AGTPBP1: variants seen among roughly 807,000 people sequenced by gnomAD.
AGTPBP1 encodes the protein cytosolic carboxypeptidase 1.
AGTPBP1 carries 70 observed loss-of-function variants against 143.9 expected under a neutral mutation model. The ratio of observed to expected loss-of-function variants is 0.49; its 90% CI spans 0.40 to 0.59. The LOEUF is 0.59. AGTPBP1 is among the 20% of genes least tolerant of loss of function. AGTPBP1 has a pLI of 0.00. For synonymous variants in AGTPBP1, 463 were observed against 500.2 expected, an observed-to-expected ratio of 0.93 and a Z score of 0.99; for missense variants, 1,229 against 1,464.5, an observed-to-expected ratio of 0.84 and a Z score of 2.62.
At chr9:85,719,617 T>C (rs1381809808) in intron 1 of AGTPBP1, among the ~76,000 whole-genome samples, 1 of 152,194 alleles carries the variant, frequency 6.6e-6, no homozygotes, top group African/African-American at 2.4e-5. Context: ...CAGGGGCAAT[T>C]TGACTTCCTC....
chr9:85,720,376 T>A (rs1190004789), intron 1 of AGTPBP1, among the ~76,000 whole-genome samples: 2 of 152,192 alleles, frequency 1.3e-5, no homozygotes, highest in Non-Finnish European at 2.9e-5. Context: ...AACTTCTTCC[T>A]GGTTTAGTCT....
intron 2 of AGTPBP1, among the ~76,000 whole-genome samples, chr9:85,702,184 G>A (rs143612497): frequency 1.2e-4 from 18 of 152,146 alleles, no homozygotes; most frequent in Non-Finnish European, 2.4e-4. Context: ...TTCTTGATAC[G>A]TTTCTAAAAA....
the AGTPBP1 span, among the ~76,000 whole-genome samples, chr9:85,785,470 T>G: frequency 3.9e-5 from 6 of 152,280 alleles, no homozygotes; most frequent in African/African-American, 1.4e-4. Context: ...AGTTTTTGTC[T>G]TTGCTATTAG....
chr9:85,706,711 A>T (rs916440612), intron 2 of AGTPBP1, among the ~76,000 whole-genome samples: 7 of 151,516 alleles, frequency 4.6e-5, no homozygotes, highest in Admixed American at 4.6e-4. Flanking sequence ...TCTACTAAAA[A>T]TACAAAAAAA....
At chr9:85,670,475 G>T (rs1261179933) in intron 7 of AGTPBP1, among the ~76,000 whole-genome samples, 2 of 152,152 alleles carry the variant, frequency 1.3e-5, no homozygotes, top group African/African-American at 4.8e-5. Flanking sequence ...CAGGGAAAAA[G>T]ATGGAACAAT....
the AGTPBP1 span, among the ~76,000 whole-genome samples, chr9:85,795,366 T>C: frequency 1.3e-5 from 2 of 152,226 alleles, no homozygotes; most frequent in Admixed American, 1.3e-4. Flanking sequence ...TTCAATAAAC[T>C]TCTGTGTGCT....
At chr9:85,711,111 A>C (rs190067844) in intron 2 of AGTPBP1, among the ~76,000 whole-genome samples, 1 of 152,234 alleles carries the variant, frequency 6.6e-6, no homozygotes, top group African/African-American at 2.4e-5. Context: ...ACACGTAAAC[A>C]TAAGAACATT....
chr9:85,684,105 A>G (rs1031125122), intron 3 of AGTPBP1, among the ~76,000 whole-genome samples: 1 of 152,208 alleles, frequency 6.6e-6, no homozygotes, highest in East Asian at 1.9e-4. Context: ...CCTTTCACTT[A>G]TCTTAGCTCA....
In AGTPBP1 at chr9:85,714,346, G is replaced by A. The variant is rs75667537; in HGVS notation, c.-33-1780C>T. 9.9e-3 allele frequency among the ~76,000 whole-genome samples: 1,504 copies of A among 152,284 alleles called. 33 individuals are homozygous for A. Among genetic ancestry groups the A allele is most frequent in the African/African-American group, 0.034 (1,409 of 41,536 alleles). On this transcript the variant is annotated intron_variant, in intron 1 of 25. Transcript: ENST00000357081. ...CCTTATCCTTTAATCACGCAAAAAA[G>A]GAGAATACTGCAGTGAATGAAGTGC...
At chr9:85,690,646 T>A (rs12342916) in intron 3 of AGTPBP1, among the ~76,000 whole-genome samples, 1 of 148,330 alleles carries the variant, frequency 6.7e-6, no homozygotes, top group African/African-American at 2.5e-5. Flanking sequence ...GTCAGGAGTA[T>A]TTTCAGTGGT....
intron 1 of AGTPBP1, among the ~76,000 whole-genome samples, chr9:85,721,648 T>C (rs1432636525): frequency 6.6e-6 from 1 of 152,230 alleles, no homozygotes; most frequent in Non-Finnish European, 1.5e-5. Context: ...TGTCTTTTAA[T>C]TGGGGCATTT....
chr9:85,713,034 T>C (rs1837480007), intron 1 of AGTPBP1, among the ~76,000 whole-genome samples: 1 of 152,210 alleles, frequency 6.6e-6, no homozygotes, highest in Non-Finnish European at 1.5e-5. Context: ...ATGCACATCT[T>C]CCCTCAAACA....
At chr9:85,644,474 G>A (rs1355463017) in intron 12 of AGTPBP1, among the ~76,000 whole-genome samples, 2 of 148,844 alleles carry the variant, frequency 1.3e-5, no homozygotes, top group African/African-American at 2.5e-5. Context: ...CAGGTATAAT[G>A]GGGAAAGAAA....
At chr9:85,780,838 C>T in the AGTPBP1 span, among the ~76,000 whole-genome samples, 12 of 152,214 alleles carry the variant, frequency 7.9e-5, no homozygotes, top group East Asian at 1.2e-3. Context: ...ATTTTGCAGC[C>T]GGGCACGGTG....
chr9:85,753,202 C>T, the AGTPBP1 span: 20 of 1,451,802 alleles, frequency 1.4e-5, no homozygotes, highest in South Asian at 9.3e-5. Context: ...GGTGACAGAG[C>T]GAGATCTTGT....
At chr9:85,628,795 C>T (rs374025100) in intron 14 of AGTPBP1, among the ~76,000 whole-genome samples, 6 of 152,166 alleles carry the variant, frequency 3.9e-5, no homozygotes, top group South Asian at 4.1e-4. Flanking sequence ...CTCACCGCAA[C>T]CTCTGCCTCC....
chr9:85,716,305 T>C (rs577989530), intron 1 of AGTPBP1, among the ~76,000 whole-genome samples: 1 of 152,314 alleles, frequency 6.6e-6, no homozygotes, highest in Non-Finnish European at 1.5e-5. Context: ...ACTGACCACT[T>C]CTAAGTTTCC....
the AGTPBP1 span, chr9:85,764,706 A>G: frequency 8.9e-7 from 1 of 1,129,668 alleles, no homozygotes; most frequent in South Asian, 1.2e-5. Context: ...TGTATCTTTT[A>G]GGCCTTAAAC....
At chr9:85,753,346 C>T in the AGTPBP1 span, 159 of 1,613,908 alleles carry the variant, frequency 9.9e-5, 1 homozygote, top group African/African-American at 1.9e-3. Flanking sequence ...GGTCTAAAAC[C>T]GAAAGCTGAG....
Sources: gnomAD v4.1 joint callset for allele counts (sites outside exome capture counted in the v4.1 genomes callset) on GRCh38, gnomAD v4.1.1 for gene constraint, MANE v1.5 for transcripts, NCBI Gene and HGNC (gene_info 2026-07-23, HGNC 2026-07-21) for gene names.